SMC2: variants seen among roughly 807,000 people sequenced by gnomAD.
SMC2 encodes structural maintenance of chromosomes protein 2.
A neutral mutation model predicts 142.6 loss-of-function variants in SMC2; 41 were observed. The observed-to-expected ratio is 0.29, with a 90% CI of 0.22 to 0.37. SMC2 has a LOEUF of 0.37. SMC2 is among the 10% of genes least tolerant of loss of function. The probability of loss-of-function intolerance (pLI) is 1.00; values close to 1 mark genes in which losing one functional copy is unlikely to be tolerated. For missense variants in SMC2, 1,265 were observed against 1,373.7 expected (o/e 0.92, Z 1.25); for synonymous variants, 463 against 457.5 (o/e 1.01, Z -0.15).
chr9:104,120,201 A>G (rs769931743), intron 16 of SMC2, 39 bp downstream of exon 16: 19 of 1,499,632 alleles, frequency 1.3e-5, no homozygotes, highest in Non-Finnish European at 1.6e-5. Flanking sequence ...AAAGATTTGC[A>G]TAGTAGAAAA....
chr9:104,105,053 C>T (rs78892587), intron 9 of SMC2, among the ~76,000 whole-genome samples: 8,638 of 152,268 alleles, frequency 0.057, 657 homozygotes, highest in African/African-American at 0.18. Context: ...GAAGTGTTGG[C>T]AATCGCATGT....
In SMC2 at chr9:104,107,173, A is replaced by T. The variant is rs779174976; in HGVS notation, c.1021-4408A>T. Among the ~76,000 whole-genome samples the T allele has an allele frequency of 2.6e-5, 4 of 152,180 alleles. 1 individual carries two copies. The highest frequency in any genetic ancestry group is 2.6e-4 in the Admixed American group (4 of 15,276). ...ATCAAGCTCTTTTGAGCCTGCCCCAATTCATTGATAGGGTTTGTAAGCACC... is the reference window on the plus strand; with the variant it reads ...ATCAAGCTCTTTTGAGCCTGCCCCATTTCATTGATAGGGTTTGTAAGCACC... On this transcript the variant is annotated intron_variant, in intron 9 of 24. Coordinates refer to ENST00000374793, the MANE Select transcript of SMC2 (RefSeq NM_006444.3).
At chr9:104,093,196 CCTCA>C (rs1163803816), upstream of SMC2, 1 of 152,160 alleles carries the variant, frequency 6.6e-6, no homozygotes, top group African/African-American at 2.4e-5. Context: ...TCTTTTTGAA[CCTCA>C]CTTAGGGTAA....
At position 104,136,092 on chromosome 9, in the gene SMC2, G is replaced by T. The variant is rs57033119; in HGVS notation, c.3269+1517G>T. 1,590 of 310,554 alleles carry T rather than the reference G, an allele frequency of 5.1e-3. 34 individuals are homozygous for T. The highest frequency in any genetic ancestry group is 0.032 in the African/African-American group (1,487 of 46,108). The allele number at this position is 310,554 out of a possible 1,614,324, so 19.2% of individuals were successfully genotyped here. ...TGTCCTTACACCTTACCTACCAATAGCCAATTAATTAAAACCTCCTGAAAG... is the reference window on the plus strand; with the variant it reads ...TGTCCTTACACCTTACCTACCAATATCCAATTAATTAAAACCTCCTGAAAG... On this transcript the variant is annotated intron_variant, in intron 23 of 24. Transcript: ENST00000374793.
intron 8 of SMC2, 107 bp from the exon 9 acceptor site, chr9:104,102,317 A>G: frequency 5.2e-6 from 6 of 1,144,586 alleles, no homozygotes; most frequent in Non-Finnish European, 6.2e-6. Context: ...TTATAGTAAG[A>G]TAATGAAATA....
chr9:104,113,648 C>G (rs556303315), intron 11 of SMC2, among the ~76,000 whole-genome samples, 173 bp downstream of exon 11: 1 of 152,256 alleles, frequency 6.6e-6, no homozygotes, highest in African/African-American at 2.4e-5. Flanking sequence ...TAAAACAACT[C>G]TTGAATTTTT....
intron 10 of SMC2, 105 bp from the exon 11 acceptor site, chr9:104,113,211 G>A (rs1213307587): frequency 1.4e-6 from 1 of 725,660 alleles, no homozygotes; most frequent in Non-Finnish European, 2.1e-6. Context: ...ATTAAACTTT[G>A]AAGGTTAAGG....
rs753121778 is a variant in SMC2, at chr9:104,126,701, C to A, written c.2512C>A (p.Gln838Lys). 1.7e-5 allele frequency: 27 copies of A among 1,612,264 alleles called. No homozygotes were observed. Among genetic ancestry groups the A allele is most frequent in the African/African-American group, 2.7e-5 (2 of 74,832 alleles). The change falls in exon 19 of 25, where the codon CAA becomes AAA. Residue 838 changes from glutamine to lysine, a missense_variant. Gln to Lys is a moderately conservative substitution (Grantham distance 53). Coordinates refer to ENST00000374793, the MANE Select transcript of SMC2 (RefSeq NM_006444.3). ...ELKREHTSYK[Q>K]QLEAVNEAIK... ...CAAGAGAGAGCATACATCTTACAAA[C>A]AACAGCTTGAAGCTGTAAATGAAGC...
intron 4 of SMC2, 145 bp from the exon 5 acceptor site, chr9:104,099,499 T>A (rs911937516): frequency 2.7e-5 from 15 of 555,224 alleles, no homozygotes; most frequent in Admixed American, 7.3e-5. Flanking sequence ...AATTCTAGAA[T>A]CATAGAAGAA....
intron 19 of SMC2, 75 bp downstream of exon 19, chr9:104,126,859 C>A: frequency 7.4e-7 from 1 of 1,355,384 alleles, no homozygotes. Flanking sequence ...AGATGTTTGA[C>A]TTTAGTGTTC....
chr9:104,095,699 A>G lies in SMC2; in HGVS notation c.168+147A>G, dbSNP rs531854059. The G allele has an allele frequency of 9.6e-5, 62 of 647,662 alleles. 2 individuals are homozygous for G. In the South Asian group the frequency reaches 1.2e-3, roughly 12 times the overall value. The allele number at this position is 647,662 out of a possible 1,614,324, so 40.1% of individuals were successfully genotyped here. ...ACTGCAACCTTTTAAGGAAAGTAAT[A>G]TTACTCCTTTAGATGAGAAAATAGA... On this transcript the variant is annotated intron_variant, in intron 2 of 24. Coordinates refer to ENST00000374793, the MANE Select transcript of SMC2 (RefSeq NM_006444.3).
intron 10 of SMC2, among the ~76,000 whole-genome samples, chr9:104,112,551 A>C (rs1248647922): frequency 6.6e-6 from 1 of 152,108 alleles, no homozygotes. Flanking sequence ...TATATTTGCA[A>C]CTTTTTCATT....
At position 104,113,387 on chromosome 9, in the gene SMC2, T is replaced by C; in HGVS notation, c.1326T>C (p.Ser442=). ...AAGCTGAAGTTAAGAAGATGGATAG[T>C]GGCTACAGGAAGGATCAAGAAGCTC... ...NKQAEVKKMD[S]GYRKDQEALE... Residue 442 remains serine, a synonymous_variant, in exon 11 of 25, where the codon AGT becomes AGC. Coordinates refer to ENST00000374793, the MANE Select transcript of SMC2 (RefSeq NM_006444.3). 6.2e-7 allele frequency: 1 copy of C among 1,612,058 alleles called. No homozygotes were observed. Among genetic ancestry groups the C allele is most frequent in the Non-Finnish European group, 8.5e-7 (1 of 1,178,832 alleles).
Position 104,098,423 on chromosome 9 carries a change from T to G in SMC2, c.319-23T>G, listed in dbSNP as rs761306214. ...CAAGGTGTGCATGTACATTAATATT[T>G]AAAAAATTGCTTTCTTTTATAGGTG... On this transcript the variant is annotated intron_variant, in intron 3 of 24. Transcript: ENST00000374793. 1.9e-6 allele frequency: 3 copies of G among 1,556,476 alleles called. No homozygotes were observed. In the South Asian group the frequency reaches 3.6e-5, roughly 19 times the overall value.
At chr9:104,137,840 AAAT>A (rs796383152) in intron 23 of SMC2, among the ~76,000 whole-genome samples, 175 bp from the exon 24 acceptor site, 1 of 150,398 alleles carries the variant, frequency 6.6e-6, no homozygotes, top group African/African-American at 2.5e-5. Context: ...AAAATAAAAG[AAAT>A]AATATTTTAA....
At chr9:104,105,721 G>T (rs1831685908) in intron 9 of SMC2, among the ~76,000 whole-genome samples, 1 of 152,148 alleles carries the variant, frequency 6.6e-6, no homozygotes, top group Admixed American at 6.5e-5. Flanking sequence ...ATGTAAGCCA[G>T]GGGTTGGGGT....
chr9:104,122,598 A>G (rs905539343), intron 16 of SMC2, among the ~76,000 whole-genome samples: 1 of 152,158 alleles, frequency 6.6e-6, no homozygotes, highest in Non-Finnish European at 1.5e-5. Context: ...AGCAGCCAGA[A>G]CAGGGATAGA....
intron 9 of SMC2, among the ~76,000 whole-genome samples, chr9:104,109,348 C>G (rs1006492741): frequency 5.9e-5 from 9 of 152,124 alleles, no homozygotes; most frequent in African/African-American, 2.2e-4. Context: ...ATATCTAGAT[C>G]CAGTCTATCA....
chr9:104,130,052 A>G (rs2131529755), intron 21 of SMC2, among the ~76,000 whole-genome samples: 1 of 152,258 alleles, frequency 6.6e-6, no homozygotes, highest in South Asian at 2.1e-4. Flanking sequence ...TACACCTGGA[A>G]TGACTTTTTC....
Sources: gnomAD v4.1 joint callset for allele counts (sites outside exome capture counted in the v4.1 genomes callset) on GRCh38, gnomAD v4.1.1 for gene constraint, MANE v1.5 for transcripts, NCBI Gene and HGNC (gene_info 2026-07-23, HGNC 2026-07-21) for gene names.